Variants in FBXO11 observed in about 807,000 individuals in gnomAD.
FBXO11 encodes F-box protein 11.
FBXO11 carries 13 observed loss-of-function variants against 117.0 expected under a neutral mutation model. That is an observed-to-expected ratio of 0.11 (90% confidence interval 0.07 to 0.18). The LOEUF (loss-of-function observed/expected upper bound fraction) is 0.18. Among genes scored for constraint, FBXO11 ranks in the 10% least tolerant of loss-of-function variants. FBXO11 has a pLI of 1.00. For synonymous variants in FBXO11, 490 were observed against 380.5 expected (o/e 1.29, Z -3.35); for missense variants, 767 against 1,164.4 (o/e 0.66, Z 4.97).
intron 21 of FBXO11, chr2:47,808,891 C>A (rs1670415492): frequency 1.5e-5 from 5 of 323,128 alleles, no homozygotes; most frequent in Non-Finnish European, 2.8e-5. Flanking sequence ...GAGACAGGGT[C>A]TCCCTATGTT....
In FBXO11 at chr2:47,872,508, G is replaced by A. The variant is rs190029177; in HGVS notation, c.233-32739C>T. ...CTGCCTAATTTTTGTATTTTTAGGA[G>A]AGACGGGGTTTCACCATGTTGGCCA... is the stretch of plus-strand genomic sequence containing the variant. On this transcript the variant is annotated intron_variant, in intron 1 of 22. Transcript: ENST00000403359. Among the ~76,000 whole-genome samples the A allele has an allele frequency of 8.9e-4, 135 of 152,288 alleles. 1 individual carries two copies. Among genetic ancestry groups the A allele is most frequent in the Non-Finnish European group, 8.2e-4 (56 of 68,032 alleles).
chr2:47,809,119 T>G (rs1416617883), intron 21 of FBXO11, 39 bp downstream of exon 21: 2 of 1,269,814 alleles, frequency 1.6e-6, no homozygotes, highest in Non-Finnish European at 2.2e-6. Flanking sequence ...AGGAAATCAG[T>G]CTTCCTCTTT....
chr2:47,815,644 A>G (rs1257291133), intron 16 of FBXO11, among the ~76,000 whole-genome samples: 2 of 152,200 alleles, frequency 1.3e-5, no homozygotes, highest in African/African-American at 4.8e-5. Flanking sequence ...CAGACCCCCA[A>G]TTTCAGAGGA....
chr2:47,848,589 T>G (rs962208811), intron 1 of FBXO11, among the ~76,000 whole-genome samples: 33 of 152,340 alleles, frequency 2.2e-4, no homozygotes, highest in Non-Finnish European at 1.5e-5. Flanking sequence ...CACACACATA[T>G]ATAATATCAA....
At chr2:47,885,977 G>A (rs1290435301) in intron 1 of FBXO11, among the ~76,000 whole-genome samples, 2 of 136,346 alleles carry the variant, frequency 1.5e-5, no homozygotes, top group African/African-American at 5.0e-5. Context: ...TTACTCTCAA[G>A]TATCTCATGT....
At position 47,823,301 on chromosome 2, in the gene FBXO11, G is replaced by A. The variant is rs2104739444; in HGVS notation, c.1458C>T (p.Ala486=). Residue 486 remains alanine, a synonymous_variant, in exon 12 of 23, where the codon GCC becomes GCT. Transcript: ENST00000403359. The part of the protein sequence containing the change: ...RNRIAGFEVK[A]YANPTVVRCE... Reference sequence around the variant, plus strand: ...ATCGAACCACTGTAGGGTTAGCATAGGCTTTTACTTCAAAGCCTGCTATCC... The same window carrying A: ...ATCGAACCACTGTAGGGTTAGCATAAGCTTTTACTTCAAAGCCTGCTATCC... 1 of 1,613,852 alleles carries A rather than the reference G, an allele frequency of 6.2e-7. No homozygotes were observed. Among genetic ancestry groups the A allele is most frequent in the Non-Finnish European group, 8.5e-7 (1 of 1,179,920 alleles).
chr2:47,834,195 C>T (rs554450728), intron 7 of FBXO11, among the ~76,000 whole-genome samples: 1 of 152,110 alleles, frequency 6.6e-6, no homozygotes, highest in African/African-American at 2.4e-5. Flanking sequence ...GCTAAAAATA[C>T]AAAAATTAGC....
chr2:47,813,916 T>C (rs1670813375), intron 16 of FBXO11, 49 bp from the exon 17 acceptor site: 4 of 1,351,826 alleles, frequency 3.0e-6, no homozygotes, highest in Non-Finnish European at 4.2e-6. Flanking sequence ...TCTACTCCCA[T>C]ATCTTCATGT....
intron 1 of FBXO11, among the ~76,000 whole-genome samples, chr2:47,903,781 C>T (rs1024100148): frequency 6.6e-6 from 1 of 152,138 alleles, no homozygotes; most frequent in Non-Finnish European, 1.5e-5. Context: ...TTTTCTCAAA[C>T]ATATTTGTCA....
At chr2:47,890,537 G>GT (rs1051709394) in intron 1 of FBXO11, among the ~76,000 whole-genome samples, 32 of 152,218 alleles carry the variant, frequency 2.1e-4, no homozygotes, top group Non-Finnish European at 4.1e-4. Flanking sequence ...GGGCACGGTG[G>GT]CTCACACCTG....
intron 11 of FBXO11, among the ~76,000 whole-genome samples, chr2:47,825,773 C>T (rs1671708258): frequency 6.6e-6 from 1 of 151,938 alleles, no homozygotes; most frequent in South Asian, 2.1e-4. Flanking sequence ...GATGGAGTTT[C>T]ATCATGTCGC....
At position 47,906,488 on chromosome 2, in the gene FBXO11, T is replaced by C. The variant is rs1157665831; in HGVS notation, c.-768A>G. Among the ~76,000 whole-genome samples, 2 of 149,050 alleles carry C rather than the reference T, an allele frequency of 1.3e-5. No individual in the cohort carries two copies. Among genetic ancestry groups the C allele is most frequent in the Admixed American group, 1.4e-4 (2 of 14,692 alleles). On this transcript the variant is annotated 5_prime_UTR_variant, in exon 1 of 23. Transcript: ENST00000403359. ...AGGAGCCATTGACACCGCCGGAGCC[T>C]CCACTCGCCCAGTCGGTCCCTCCCC...
rs918478047 is a variant in FBXO11 at position 47,809,017 on chromosome 2, G to C, written c.2555+141C>G. 5 of 571,954 alleles carry C rather than the reference G, an allele frequency of 8.7e-6. No homozygotes were observed. The South Asian group carries it at 1.1e-4, about 13-fold the overall frequency. 35.4% of individuals were successfully genotyped at this position (571,954 alleles called of 1,614,324 possible). ...TACCCACAGTTACAGTCTTAAACACGATCTTCAAGTAGATTGATGATAAAA... is the reference window on the plus strand; with the variant it reads ...TACCCACAGTTACAGTCTTAAACACCATCTTCAAGTAGATTGATGATAAAA... On this transcript the variant is annotated intron_variant, in intron 21 of 22. Coordinates refer to ENST00000403359, the MANE Select transcript of FBXO11 (RefSeq NM_001190274.2).
intron 1 of FBXO11, among the ~76,000 whole-genome samples, chr2:47,852,977 GC>G (rs1259292232): frequency 6.6e-5 from 10 of 152,026 alleles, no homozygotes; most frequent in Non-Finnish European, 1.3e-4. Flanking sequence ...AATTAATTTT[GC>G]TAAATAATAT....
chr2:47,875,087 C>T (rs931135181), intron 1 of FBXO11, among the ~76,000 whole-genome samples: 2 of 151,950 alleles, frequency 1.3e-5, no homozygotes, highest in African/African-American at 2.4e-5. Flanking sequence ...TCATTATTGG[C>T]GTATGGAACA....
chr2:47,827,301 ATTTT>A (rs1481264367), intron 11 of FBXO11, among the ~76,000 whole-genome samples: 4 of 152,034 alleles, frequency 2.6e-5, no homozygotes, highest in East Asian at 1.9e-4. Context: ...TTGCTTCAAG[ATTTT>A]TTTGTTTGTT....
chr2:47,891,733 A>G (rs1677271292), intron 1 of FBXO11, among the ~76,000 whole-genome samples: 1 of 152,170 alleles, frequency 6.6e-6, no homozygotes. Context: ...TTGCATTTCT[A>G]CCAACAGTGT....
chr2:47,838,494 T>C (rs774402685), intron 4 of FBXO11, among the ~76,000 whole-genome samples: 2 of 147,414 alleles, frequency 1.4e-5, no homozygotes, highest in Non-Finnish European at 2.9e-5. Context: ...ATTTAAAGAT[T>C]CATGAATACA....
At chr2:47,902,012 T>G (rs997441767) in intron 1 of FBXO11, among the ~76,000 whole-genome samples, 1 of 152,256 alleles carries the variant, frequency 6.6e-6, no homozygotes, top group African/African-American at 2.4e-5. Flanking sequence ...CTCAGCTCAC[T>G]ACAACCTCAG....
Sources: gnomAD v4.1 joint callset for allele counts (sites outside exome capture counted in the v4.1 genomes callset) on GRCh38, gnomAD v4.1.1 for gene constraint, MANE v1.5 for transcripts, NCBI Gene and HGNC (gene_info 2026-07-23, HGNC 2026-07-21) for gene names.